METTL15: variants seen among roughly 807,000 people sequenced by gnomAD.
The protein encoded by METTL15 is 12S rRNA N(4)-cytidine methyltransferase METTL15.
Under a neutral mutation model 38.3 loss-of-function variants are expected in METTL15, and 34 were observed. The ratio of observed to expected loss-of-function variants is 0.89; its 90% CI spans 0.68 to 1.18. METTL15 has a LOEUF of 1.18. METTL15 is among the 50% of genes most tolerant of loss of function. The probability of loss-of-function intolerance (pLI) is 0.00; values close to 1 mark genes in which losing one functional copy is unlikely to be tolerated. For missense variants in METTL15, 438 were observed against 498.4 expected (o/e 0.88, Z 1.15); for synonymous variants, 162 against 170.9 (o/e 0.95, Z 0.41).
intron 6 of METTL15, among the ~76,000 whole-genome samples, chr11:28,475,132 G>A (rs569837300): frequency 2.0e-5 from 3 of 152,296 alleles, no homozygotes. Flanking sequence ...AAAGGCTCTG[G>A]AAGGTGTAAA....
intron 3 of METTL15, among the ~76,000 whole-genome samples, chr11:28,179,234 C>T (rs529091567): frequency 3.3e-5 from 5 of 151,582 alleles, no homozygotes; most frequent in African/African-American, 7.3e-5. Context: ...ATGTTTTTCC[C>T]CCTATTTGTA....
At chr11:28,299,687 G>A (rs1856848925) in intron 6 of METTL15, among the ~76,000 whole-genome samples, 1 of 152,098 alleles carries the variant, frequency 6.6e-6, no homozygotes, top group African/African-American at 2.4e-5. Context: ...ACAATTGGAA[G>A]GGCACAAGTT....
In METTL15 at chr11:28,225,732, G is replaced by C. The variant is rs1445297309; in HGVS notation, c.407+14534G>C. Among the ~76,000 whole-genome samples, 3 of 151,854 alleles carry C rather than the reference G, an allele frequency of 2.0e-5. No individual in the cohort carries two copies. The East Asian group carries it at 5.8e-4, about 29-fold the overall frequency. On this transcript the variant is annotated intron_variant, in intron 4 of 6. Coordinates refer to ENST00000407364, the MANE Select transcript of METTL15 (RefSeq NM_001113528.2). ...ATACTCCATGAACAATTTTTGTCCT[G>C]TGGATCAGGTCTTTCATCTACAAAG...
chr11:28,377,063 C>T (rs1179434888), intron 5 of METTL15, among the ~76,000 whole-genome samples: 5 of 133,476 alleles, frequency 3.7e-5, no homozygotes, highest in African/African-American at 1.3e-4. Flanking sequence ...TTGAGGGTAA[C>T]CCGACCTTTC....
At chr11:28,142,614 CG>C (rs759127997) in intron 3 of METTL15, among the ~76,000 whole-genome samples, 11 of 152,014 alleles carry the variant, frequency 7.2e-5, no homozygotes, top group South Asian at 2.1e-4. Context: ...TTTTATTTAA[CG>C]TGAAAGCCCA....
chr11:28,115,912 A>C (rs1168719618), intron 3 of METTL15, among the ~76,000 whole-genome samples: 1 of 134,162 alleles, frequency 7.5e-6, no homozygotes, highest in Admixed American at 8.3e-5. Flanking sequence ...ATGCATGTAT[A>C]CACAGACACA....
intron 6 of METTL15, among the ~76,000 whole-genome samples, chr11:28,479,524 G>T (rs1851377908): frequency 6.6e-6 from 1 of 152,042 alleles, no homozygotes; most frequent in Non-Finnish European, 1.5e-5. Flanking sequence ...TTATATTCTT[G>T]AACTTTGCCT....
intron 6 of METTL15, among the ~76,000 whole-genome samples, chr11:28,496,769 C>T (rs1851539018): frequency 6.6e-6 from 1 of 152,198 alleles, no homozygotes; most frequent in African/African-American, 2.4e-5. Context: ...TGACTCTAGG[C>T]AGCCTTTAAC....
At chr11:28,308,597 A>G (rs535236469) in intron 6 of METTL15, among the ~76,000 whole-genome samples, 21 of 152,160 alleles carry the variant, frequency 1.4e-4, no homozygotes, top group Non-Finnish European at 2.8e-4. Context: ...AACTGATTAT[A>G]AGTTTCTTAT....
intron 3 of METTL15, among the ~76,000 whole-genome samples, chr11:28,188,646 A>C (rs1419878539): frequency 6.6e-6 from 1 of 151,292 alleles, no homozygotes; most frequent in African/African-American, 2.4e-5. Context: ...AGCTAATGTT[A>C]GAACTCACCT....
intron 6 of METTL15, among the ~76,000 whole-genome samples, chr11:28,297,224 A>G (rs906420250): frequency 2.0e-5 from 3 of 152,090 alleles, no homozygotes; most frequent in African/African-American, 4.8e-5. Flanking sequence ...TATTTTACAC[A>G]GGATAATTTA....
chr11:28,141,660 C>G lies in METTL15; in HGVS notation c.270+28056C>G, dbSNP rs930127846. Among the ~76,000 whole-genome samples, 7 of 152,064 alleles carry G rather than the reference C, an allele frequency of 4.6e-5. No individual in the cohort carries two copies. The East Asian group carries it at 1.3e-3, about 29-fold the overall frequency. On this transcript the variant is annotated intron_variant, in intron 3 of 6. Coordinates refer to ENST00000407364, the MANE Select transcript of METTL15 (RefSeq NM_001113528.2). ...CTGAGATCCCACCACTGCACTCCAG[C>G]CTGGTTAACACACTGAAACCCTGTA... is the stretch of plus-strand genomic sequence containing the variant.
At chr11:28,407,659 G>C (rs1354731343) in intron 5 of METTL15, among the ~76,000 whole-genome samples, 2 of 152,108 alleles carry the variant, frequency 1.3e-5, no homozygotes, top group Non-Finnish European at 1.5e-5. Context: ...AGAAACAACA[G>C]ATGTTGGTGA....
rs1220362087 is a variant in METTL15, at chr11:28,156,721, G to A, written c.270+43117G>A. Among the ~76,000 whole-genome samples, 4 of 152,076 alleles carry A rather than the reference G, an allele frequency of 2.6e-5. No homozygotes were observed. The East Asian group carries it at 5.8e-4, about 22-fold the overall frequency. On this transcript the variant is annotated intron_variant, in intron 3 of 6. Transcript: ENST00000407364. The stretch of plus-strand genomic sequence containing the variant: ...TTTTTATGAGCTTTCAGATTTGCCT[G>A]TAGACAAATTTGTTTCATTTCTGTG...
chr11:28,161,047 TTAAG>T (rs1850438958), intron 3 of METTL15, among the ~76,000 whole-genome samples: 1 of 150,860 alleles, frequency 6.6e-6, no homozygotes, highest in African/African-American at 2.4e-5. Context: ...ACATTAAGTA[TTAAG>T]TATTACAGTA....
At chr11:28,396,318 A>C (rs1850568269) in intron 5 of METTL15, among the ~76,000 whole-genome samples, 1 of 152,202 alleles carries the variant, frequency 6.6e-6, no homozygotes, top group South Asian at 2.1e-4. Context: ...ATGTTTGCAG[A>C]TGACATAATT....
chr11:28,351,690 T>C (rs1850043230), intron 3 of METTL15, among the ~76,000 whole-genome samples: 1 of 152,188 alleles, frequency 6.6e-6, no homozygotes, highest in Non-Finnish European at 1.5e-5. Flanking sequence ...AAGTGTAAAC[T>C]TAAGGCAATT....
At chr11:28,121,996 T>C (rs1852259993) in intron 3 of METTL15, 8 of 405,590 alleles carry the variant, frequency 2.0e-5, no homozygotes, top group Middle Eastern at 1.2e-3. Context: ...TAGACAACAA[T>C]TAAATGTTGA....
chr11:28,413,198 A>G (rs1850744545), intron 5 of METTL15, among the ~76,000 whole-genome samples: 1 of 152,048 alleles, frequency 6.6e-6, no homozygotes, highest in Non-Finnish European at 1.5e-5. Flanking sequence ...GGGCTCAGTT[A>G]GCCATCATAT....
Sources: gnomAD v4.1 joint callset for allele counts (sites outside exome capture counted in the v4.1 genomes callset) on GRCh38, gnomAD v4.1.1 for gene constraint, MANE v1.5 for transcripts, NCBI Gene and HGNC (gene_info 2026-07-23, HGNC 2026-07-21) for gene names.